Variants in CD5 observed in about 807,000 individuals in gnomAD.
CD5 encodes the protein T-cell surface glycoprotein CD5.
CD5 carries 36 observed loss-of-function variants against 60.3 expected under a neutral mutation model. That is an observed-to-expected ratio of 0.60 (90% CI 0.46 to 0.79). The LOEUF is 0.79. CD5 is among the 30% of genes least tolerant of loss of function. CD5 has a pLI of 0.00. For missense variants in CD5, 540 were observed against 630.6 expected, an observed-to-expected ratio of 0.86 and a Z score of 1.54; for synonymous variants, 230 against 257.6, an observed-to-expected ratio of 0.89 and a Z score of 1.03.
the CD5 span, among the ~76,000 whole-genome samples, chr11:61,094,605 T>C: frequency 6.6e-6 from 1 of 152,152 alleles, no homozygotes; most frequent in Non-Finnish European, 1.5e-5. Context: ...ATACTCTGAT[T>C]TTGGTTTTGA....
intron 1 of CD5, 32 bp downstream of exon 1, chr11:61,102,647 CCCGGGCTCGCTCCAGTGCAAGG>C (rs755064239): frequency 3.4e-5 from 52 of 1,546,294 alleles, no homozygotes; most frequent in Admixed American, 9.5e-5. Flanking sequence ...CCTGCGAACA[CCCGGGCTCGCTCCAGTGCAAGG>C]AAGGAGTTCC....
At position 61,125,037 on chromosome 11, in the gene CD5, T is replaced by C; in HGVS notation, c.1285T>C (p.Phe429Leu). The change falls in exon 9 of 11, where the codon TTC becomes CTC. Residue 429 changes from phenylalanine (F) to leucine (L), a missense_variant. Coordinates refer to ENST00000347785, the MANE Select transcript of CD5 (RefSeq NM_014207.4). ...GPTGMNQNMS[F>L]HRNHTATVRS... ...GTCTCCTACCATCTGCCCAGTGTCT[T>C]TCCATCGCAACCACACGGCAACCGT... is the stretch of plus-strand genomic sequence containing the variant. 6.2e-7 allele frequency: 1 copy of C among 1,613,974 alleles called. No individual in the cohort carries two copies. The highest frequency in any genetic ancestry group is 1.1e-5 in the South Asian group (1 of 91,074).
At chr11:61,100,170 ACACACACACATCAACATGGAGAT>A (rs1590762825), upstream of CD5, among the ~76,000 whole-genome samples, 1 of 128,528 alleles carries the variant, frequency 7.8e-6, no homozygotes. Flanking sequence ...CATGGAGATT[ACACACACACATCAACATGGAGAT>A]CACACACACA....
chr11:61,124,080 T>C, intron 8 of CD5, 143 bp downstream of exon 8: 5 of 693,770 alleles, frequency 7.2e-6, no homozygotes, highest in Non-Finnish European at 1.0e-5. Context: ...GACATGTGAC[T>C]GTGGCCAACA....
chr11:61,103,521 G>A lies in CD5; in HGVS notation c.55+906G>A, dbSNP rs564326894. On this transcript the variant is annotated intron_variant, in intron 1 of 10. Coordinates refer to ENST00000347785, the MANE Select transcript of CD5 (RefSeq NM_014207.4). ...GCCTTCTAGGGAAACCGGGTGTGCA[G>A]GTGTGAGTGTGGGGGAATGCATGTG... Among the ~76,000 whole-genome samples, 36 of 152,262 alleles carry A rather than the reference G, an allele frequency of 2.4e-4. 1 individual carries two copies. In the South Asian group the frequency reaches 6.9e-3, roughly 29 times the overall value.
rs1255638657 is a variant in CD5, at chr11:61,125,775, C to G, written c.1424C>G (p.Ser475Cys). The G allele has an allele frequency of 1.2e-6, 2 of 1,611,920 alleles. No individual in the cohort carries two copies. Among genetic ancestry groups the G allele is most frequent in the African/African-American group, 2.7e-5 (2 of 74,858 alleles). ...GCTCTGGAAGGGGCTCTGCATCGCT[C>G]CTCCATGCAGCCTGACAACTCCTCC... is the stretch of plus-strand genomic sequence containing the variant. Reference protein sequence around the residue: ...YPALEGALHRSSMQPDNSSDS... With the variant: ...YPALEGALHRCSMQPDNSSDS... Residue 475 changes from serine (S) to cysteine (C), a missense_variant, in exon 10 of 11, where the codon TCC becomes TGC. Physicochemically the swap from Ser to Cys is moderately radical, Grantham distance 112 (BLOSUM62 -1). Transcript: ENST00000347785.
At position 61,127,607 on chromosome 11, in the gene CD5, G is replaced by A. The variant is rs1861169132; in HGVS notation, c.*1322G>A. 6.6e-6 allele frequency: 1 copy of A among 152,220 alleles called. No homozygotes were observed. The highest frequency in any genetic ancestry group is 2.4e-5 in the African/African-American group (1 of 41,440). 9.4% of individuals were successfully genotyped at this position (152,220 alleles called of 1,614,324 possible). ...TCACAGATCTTCCCCCGACCATGCT[G>A]GGAATCCAGAAACAGGGACCCCATT... On this transcript the variant is annotated 3_prime_UTR_variant, in exon 11 of 11. Transcript: ENST00000347785.
chr11:61,115,927 GA>G (rs1190682920), intron 2 of CD5, among the ~76,000 whole-genome samples: 1 of 152,240 alleles, frequency 6.6e-6, no homozygotes, highest in Non-Finnish European at 1.5e-5. Flanking sequence ...GAAATGGGAA[GA>G]AAATCTCTTG....
At chr11:61,115,017 G>A (rs771401365) in intron 1 of CD5, 39 bp from the exon 2 acceptor site, 1 of 1,546,636 alleles carries the variant, frequency 6.5e-7, no homozygotes, top group South Asian at 1.2e-5. Context: ...GAGAGAGTGG[G>A]AGGTTTCACT....
intron 2 of CD5, among the ~76,000 whole-genome samples, chr11:61,116,666 CCACACACA>C (rs376831211): frequency 5.3e-5 from 1 of 18,706 alleles, no homozygotes; most frequent in Non-Finnish European, 2.4e-4. Flanking sequence ...ACCACACACA[CCACACACA>C]CACACTACAC....
chr11:61,111,113 C>A (rs1202506586), intron 1 of CD5, among the ~76,000 whole-genome samples: 2 of 152,218 alleles, frequency 1.3e-5, no homozygotes, highest in Non-Finnish European at 2.9e-5. Context: ...CTGAGCAAGA[C>A]CTAGGCTGTT....
At chr11:61,096,528 C>A in the CD5 span, among the ~76,000 whole-genome samples, 1 of 152,198 alleles carries the variant, frequency 6.6e-6, no homozygotes, top group Non-Finnish European at 1.5e-5. Flanking sequence ...CTGTCTACCA[C>A]GGACCTGCTC....
At chr11:61,123,472 T>C (rs1861098950) in intron 7 of CD5, among the ~76,000 whole-genome samples, 1 of 152,170 alleles carries the variant, frequency 6.6e-6, no homozygotes, top group Admixed American at 6.5e-5. Flanking sequence ...GCACACCTTG[T>C]GAACGCGGGG....
At chr11:61,099,534 G>A (rs111210875), upstream of CD5, among the ~76,000 whole-genome samples, 1,991 of 26,318 alleles carry the variant, frequency 0.076, 54 homozygotes, top group South Asian at 0.23. Context: ...GATCACATTC[G>A]CACACATCAA....
Position 61,102,585 on chromosome 11 carries a change from C to T in CD5, c.25C>T (p.Leu9=), listed in dbSNP as rs767676626. The T allele has an allele frequency of 6.3e-7, 1 of 1,593,156 alleles. No individual in the cohort carries two copies. The highest frequency in any genetic ancestry group is 8.6e-7 in the Non-Finnish European group (1 of 1,169,322). Residue 9 remains leucine (L), a synonymous_variant, in exon 1 of 11, where the codon CTG becomes TTG. Transcript: ENST00000347785. ...CATGCCCATGGGGTCTCTGCAACCGCTGGCCACCTTGTACCTGCTGGGGAT... is the reference window on the plus strand; with the variant it reads ...CATGCCCATGGGGTCTCTGCAACCGTTGGCCACCTTGTACCTGCTGGGGAT... MPMGSLQP[L]ATLYLLGMLV... is the part of the protein sequence containing the mutation.
chr11:61,114,690 G>A (rs1387502912), intron 1 of CD5, among the ~76,000 whole-genome samples: 3 of 152,126 alleles, frequency 2.0e-5, no homozygotes, highest in Admixed American at 2.0e-4. Context: ...ACAAAGGTTA[G>A]CATGAGGGAA....
chr11:61,115,602 C>T (rs1168222846), intron 2 of CD5, among the ~76,000 whole-genome samples: 2 of 152,248 alleles, frequency 1.3e-5, no homozygotes, highest in Admixed American at 1.3e-4. Context: ...GCATCTCCCA[C>T]TGAAGACTGA....
chr11:61,110,092 C>T (rs1012950473), intron 1 of CD5, among the ~76,000 whole-genome samples: 1 of 152,088 alleles, frequency 6.6e-6, no homozygotes, highest in African/African-American at 2.4e-5. Flanking sequence ...GACCGCAGGG[C>T]TCAGGGGATG....
At chr11:61,094,683 G>T in the CD5 span, among the ~76,000 whole-genome samples, 1 of 152,118 alleles carries the variant, frequency 6.6e-6, no homozygotes, top group East Asian at 1.9e-4. Context: ...TTTGTGGTGT[G>T]AGCATGGTGT....
Sources: gnomAD v4.1 joint callset for allele counts (sites outside exome capture counted in the v4.1 genomes callset) on GRCh38, gnomAD v4.1.1 for gene constraint, MANE v1.5 for transcripts, NCBI Gene and HGNC (gene_info 2026-07-23, HGNC 2026-07-21) for gene names.